Variants in GSG1L observed in about 807,000 individuals in gnomAD.
GSG1L encodes germ cell-specific gene 1-like protein.
In GSG1L, 24 loss-of-function variants were observed where a neutral mutation model predicts 42.1. The observed-to-expected ratio is 0.57, with a 90% CI of 0.41 to 0.80. The LOEUF (loss-of-function observed/expected upper bound fraction) is 0.80, where lower values mean the gene tolerates loss of function less well. Ranked by LOEUF, GSG1L falls within the 30% of genes least tolerant of loss-of-function variation. GSG1L has a pLI of 0.00. For missense variants in GSG1L, 445 were observed against 472.2 expected (o/e 0.94, Z 0.53); for synonymous variants, 215 against 203.5 (o/e 1.06, Z -0.48).
intron 6 of GSG1L, among the ~76,000 whole-genome samples, chr16:27,791,812 C>T (rs1005792352): frequency 2.6e-5 from 4 of 152,048 alleles, no homozygotes; most frequent in African/African-American, 7.2e-5. Context: ...CTCACACCTG[C>T]CAACAGGTGC....
chr16:27,802,497 C>T (rs2082894808), intron 6 of GSG1L, among the ~76,000 whole-genome samples: 1 of 152,140 alleles, frequency 6.6e-6, no homozygotes, highest in African/African-American at 2.4e-5. Context: ...AAAGGTACAC[C>T]TGGCGCAGGG....
At chr16:27,979,687 G>GAAAGA (rs778442144) in intron 1 of GSG1L, among the ~76,000 whole-genome samples, 10 of 24,660 alleles carry the variant, frequency 4.1e-4, no homozygotes, top group Middle Eastern at 0.022. Flanking sequence ...GAGAAAGAAA[G>GAAAGA]AAGGAAGGAA....
At chr16:27,898,562 C>T (rs537135403) in intron 2 of GSG1L, among the ~76,000 whole-genome samples, 8 of 151,884 alleles carry the variant, frequency 5.3e-5, no homozygotes, top group African/African-American at 1.7e-4. Flanking sequence ...CCTCTTCCTC[C>T]TCCTCTTTCT....
intron 3 of GSG1L, among the ~76,000 whole-genome samples, chr16:27,859,171 C>G (rs1349476869): frequency 6.8e-6 from 1 of 146,864 alleles, no homozygotes; most frequent in African/African-American, 2.7e-5. Context: ...GGAAGTGGAT[C>G]TGGCTCCGTG....
intron 1 of GSG1L, among the ~76,000 whole-genome samples, chr16:28,005,561 C>T (rs186582401): frequency 0.047 from 7,129 of 151,894 alleles, 239 homozygotes; most frequent in Non-Finnish European, 0.07. Flanking sequence ...TAAAAACGTT[C>T]GCTCCAAATA....
intron 1 of GSG1L, among the ~76,000 whole-genome samples, chr16:27,966,730 A>G (rs2085140269): frequency 6.6e-6 from 1 of 152,188 alleles, no homozygotes; most frequent in Admixed American, 6.5e-5. Context: ...TCTAACAAAG[A>G]GAGGGGGCGC....
intron 2 of GSG1L, among the ~76,000 whole-genome samples, chr16:27,896,103 C>T (rs1308229290): frequency 6.6e-6 from 1 of 152,200 alleles, no homozygotes; most frequent in Non-Finnish European, 1.5e-5. Context: ...CTCCAAAGCA[C>T]ATAGGAGTGT....
rs576809333 is a variant in GSG1L at position 27,913,386 on chromosome 16, T to C, written c.398-28748A>G. On this transcript the variant is annotated intron_variant, in intron 2 of 6. Coordinates refer to ENST00000447459, the MANE Select transcript of GSG1L (RefSeq NM_001109763.2). ...AAGGGACCTAGGAATCCAAAGCTAA[T>C]GGTAATGACGTTTTGCTTAAATTGG... is the stretch of plus-strand genomic sequence containing the variant. Among the ~76,000 whole-genome samples, 5 of 152,334 alleles carry C rather than the reference T, an allele frequency of 3.3e-5. No homozygotes were observed. The East Asian group carries it at 7.7e-4, about 23-fold the overall frequency.
intron 2 of GSG1L, among the ~76,000 whole-genome samples, chr16:27,928,687 G>A (rs539866787): frequency 1.4e-4 from 21 of 152,284 alleles, no homozygotes; most frequent in African/African-American, 4.8e-4. Context: ...TTAGAAAGTC[G>A]CCAAGCAGGC....
At chr16:27,843,504 T>TA (rs55755431) in intron 4 of GSG1L, among the ~76,000 whole-genome samples, 10,182 of 75,542 alleles carry the variant, frequency 0.13, 799 homozygotes, top group Non-Finnish European at 0.15. Context: ...AGAGACTCTG[T>TA]AAAAAAAAAA....
At chr16:27,857,195 G>C (rs1349233686) in intron 3 of GSG1L, among the ~76,000 whole-genome samples, 2 of 152,202 alleles carry the variant, frequency 1.3e-5, no homozygotes, top group African/African-American at 4.8e-5. Flanking sequence ...GGGAAGCCAA[G>C]GTGGGCAGAT....
At chr16:27,953,415 A>G (rs2084971494) in intron 2 of GSG1L, among the ~76,000 whole-genome samples, 1 of 152,126 alleles carries the variant, frequency 6.6e-6, no homozygotes, top group South Asian at 2.1e-4. Flanking sequence ...TCGTTGCTCT[A>G]TAGTTTTCCA....
intron 1 of GSG1L, among the ~76,000 whole-genome samples, chr16:28,003,240 G>A (rs1312084164): frequency 6.6e-6 from 1 of 152,170 alleles, no homozygotes; most frequent in African/African-American, 2.4e-5. Flanking sequence ...GAGGCTGAGC[G>A]GCTGCAAAAG....
chr16:28,022,085 G>A (rs982043873), intron 1 of GSG1L, among the ~76,000 whole-genome samples: 1 of 152,166 alleles, frequency 6.6e-6, no homozygotes, highest in Admixed American at 6.5e-5. Context: ...TATGTTTAGG[G>A]TTGTAGGCTT....
chr16:27,961,057 A>G (rs989347544), intron 2 of GSG1L, among the ~76,000 whole-genome samples: 2 of 152,116 alleles, frequency 1.3e-5, no homozygotes, highest in African/African-American at 4.8e-5. Context: ...ACTCAAATTC[A>G]CACACGCACT....
chr16:27,796,861 T>C (rs987040838), intron 6 of GSG1L, among the ~76,000 whole-genome samples: 2 of 152,176 alleles, frequency 1.3e-5, no homozygotes, highest in Non-Finnish European at 2.9e-5. Flanking sequence ...TAGACATGTG[T>C]TGGGCATGTA....
chr16:27,809,044 G>A (rs755559341), intron 5 of GSG1L, among the ~76,000 whole-genome samples: 7 of 152,074 alleles, frequency 4.6e-5, no homozygotes, highest in Non-Finnish European at 8.8e-5. Context: ...AGTTCCACAC[G>A]GTCCTGTCCA....
intron 1 of GSG1L, among the ~76,000 whole-genome samples, chr16:27,979,750 G>GAAAGAAAGAA (rs1318416805): frequency 4.8e-4 from 7 of 14,440 alleles, no homozygotes; most frequent in Non-Finnish European, 4.5e-4. Flanking sequence ...AGAAAGAAAG[G>GAAAGAAAGAA]AAAGAAAGAA....
chr16:28,056,831 G>A (rs950167281), intron 1 of GSG1L, among the ~76,000 whole-genome samples: 1 of 152,038 alleles, frequency 6.6e-6, no homozygotes, highest in African/African-American at 2.4e-5. Flanking sequence ...AGTGTGATAC[G>A]CAGTGGGTAT....
Sources: allele counts gnomAD v4.1 joint callset (sites outside exome capture counted in the v4.1 genomes callset), GRCh38; gene constraint gnomAD v4.1.1; transcripts MANE v1.5; gene names NCBI Gene and HGNC (gene_info 2026-07-23, HGNC 2026-07-21).